The following LPP variants were observed in gnomAD, a reference collection of about 807,000 sequenced individuals.
LPP encodes the protein lipoma-preferred partner.
LPP carries 38 observed loss-of-function variants against 60.4 expected under a neutral mutation model. The ratio of observed to expected loss-of-function variants is 0.63; its 90% confidence interval spans 0.49 to 0.83. The LOEUF is 0.83. LPP is among the 40% of genes least tolerant of loss of function. LPP has a pLI of 0.00. For missense variants in LPP, 902 were observed against 783.6 expected (o/e 1.15, Z -1.80); for synonymous variants, 328 against 290.8 (o/e 1.13, Z -1.30).
At chr3:188,773,413 G>A (rs930891591) in intron 9 of LPP, among the ~76,000 whole-genome samples, 1 of 151,532 alleles carries the variant, frequency 6.6e-6, no homozygotes, top group Non-Finnish European at 1.5e-5. Flanking sequence ...TTATAGTATG[G>A]GGAAATAAGA....
At chr3:188,667,097 A>C (rs1243680826) in intron 7 of LPP, among the ~76,000 whole-genome samples, 1 of 152,178 alleles carries the variant, frequency 6.6e-6, no homozygotes, top group East Asian at 1.9e-4. Context: ...AATCCATGGA[A>C]TCTTTTGACA....
At chr3:188,831,229 G>C (rs1757057806) in intron 9 of LPP, among the ~76,000 whole-genome samples, 1 of 152,188 alleles carries the variant, frequency 6.6e-6, no homozygotes, top group South Asian at 2.1e-4. Context: ...CATCCCCAAA[G>C]ACATGATGAC....
chr3:188,480,923 C>A (rs1312256211), intron 4 of LPP, among the ~76,000 whole-genome samples: 1 of 152,168 alleles, frequency 6.6e-6, no homozygotes, highest in East Asian at 1.9e-4. Context: ...TCATTGTTTT[C>A]AGAAATCTAT....
At chr3:188,839,210 C>T (rs1759287761) in intron 9 of LPP, among the ~76,000 whole-genome samples, 1 of 152,090 alleles carries the variant, frequency 6.6e-6, no homozygotes, top group South Asian at 2.1e-4. Context: ...CGCAAAGCTG[C>T]TTTTAACTCT....
chr3:188,541,135 G>T (rs1029508031), intron 6 of LPP, among the ~76,000 whole-genome samples: 3 of 152,140 alleles, frequency 2.0e-5, no homozygotes, highest in African/African-American at 7.2e-5. Flanking sequence ...TTGGCCTATT[G>T]ATGTAAGTTA....
intron 6 of LPP, among the ~76,000 whole-genome samples, chr3:188,533,903 C>G (rs182214747): frequency 2.0e-5 from 3 of 152,246 alleles, no homozygotes; most frequent in Admixed American, 2.0e-4. Flanking sequence ...TATACCTCAT[C>G]ATTTTTTTAG....
chr3:188,339,644 T>A (rs560097597), intron 2 of LPP, among the ~76,000 whole-genome samples: 12 of 152,138 alleles, frequency 7.9e-5, no homozygotes, highest in Non-Finnish European at 1.8e-4. Flanking sequence ...TGAGACTCAC[T>A]CACTATCATG....
At position 188,880,524 on chromosome 3, in the gene LPP, A is replaced by G. The variant is rs1433473234; in HGVS notation, c.*6045A>G. 5.3e-6 allele frequency: 1 copy of G among 188,812 alleles called. No individual in the cohort carries two copies. Among genetic ancestry groups the G allele is most frequent in the Non-Finnish European group, 1.1e-5 (1 of 89,738 alleles). 11.7% of individuals were successfully genotyped at this position (188,812 alleles called of 1,614,324 possible). A position where few individuals can be genotyped will look rare whatever the true frequency, so the allele number is the denominator to read the frequency against. On this transcript the variant is annotated 3_prime_UTR_variant, in exon 12 of 12. Transcript: ENST00000617246. The stretch of plus-strand genomic sequence containing the variant: ...CACCTACATATACTAGAGAGGGGTG[A>G]AACACTGCAGCTAATTCCTTTATAA...
chr3:188,489,028 C>T (rs1807512313), intron 5 of LPP, among the ~76,000 whole-genome samples: 1 of 152,152 alleles, frequency 6.6e-6, no homozygotes, highest in African/African-American at 2.4e-5. Flanking sequence ...TATAACATTG[C>T]TTAAGGTAGT....
intron 4 of LPP, among the ~76,000 whole-genome samples, chr3:188,407,133 G>T (rs1021362662): frequency 1.3e-5 from 2 of 151,378 alleles, no homozygotes; most frequent in African/African-American, 4.9e-5. Context: ...GAGAGAAGAG[G>T]CAGTGAAAGG....
rs1040800112 is a variant in LPP, at chr3:188,330,425, T to G, written c.-66-11238T>G. ...CAAGGTCTTGTTTTTTTCCTAGTTC[T>G]CATTCACCGTTCAGTTGCCTTCCCC... On this transcript the variant is annotated intron_variant, in intron 2 of 11. Transcript: ENST00000617246. Among the ~76,000 whole-genome samples, 5 of 152,220 alleles carry G rather than the reference T, an allele frequency of 3.3e-5. No homozygotes were observed. In the East Asian group the frequency reaches 9.6e-4, roughly 29 times the overall value.
chr3:188,586,947 T>A (rs1002487858), intron 6 of LPP, among the ~76,000 whole-genome samples: 1 of 152,038 alleles, frequency 6.6e-6, no homozygotes, highest in Non-Finnish European at 1.5e-5. Context: ...GCCAGGCTGG[T>A]CTTGAACACC....
chr3:188,232,608 C>T (rs1402503653), intron 2 of LPP, among the ~76,000 whole-genome samples: 1 of 149,598 alleles, frequency 6.7e-6, no homozygotes, highest in Non-Finnish European at 1.5e-5. Context: ...CCCTCCTTGG[C>T]CTCCAAAAGT....
intron 4 of LPP, among the ~76,000 whole-genome samples, chr3:188,410,331 T>C (rs1279996766): frequency 6.6e-6 from 1 of 152,230 alleles, no homozygotes; most frequent in Non-Finnish European, 1.5e-5. Flanking sequence ...TTCTTTGAAC[T>C]TACATTTCTC....
At chr3:188,330,600 G>A (rs1759746639) in intron 2 of LPP, among the ~76,000 whole-genome samples, 1 of 152,062 alleles carries the variant, frequency 6.6e-6, no homozygotes, top group Non-Finnish European at 1.5e-5. Flanking sequence ...GCCTGGCCAG[G>A]CATGGTGCCT....
chr3:188,405,038 C>A (rs1317861851), intron 3 of LPP, among the ~76,000 whole-genome samples: 1 of 152,192 alleles, frequency 6.6e-6, no homozygotes, highest in Non-Finnish European at 1.5e-5. Flanking sequence ...TTGTTCCCCT[C>A]CTAGTTTAAG....
rs1769364198 is a variant in LPP, at chr3:188,877,297, G to A, written c.*2818G>A. The stretch of plus-strand genomic sequence containing the variant: ...CTGCTGATATAATATCATAATTGTT[G>A]TGGTTTAAATACATAAATAGTAGAA... On this transcript the variant is annotated 3_prime_UTR_variant, in exon 12 of 12. Transcript: ENST00000617246. 5.6e-6 allele frequency: 1 copy of A among 177,774 alleles called. No homozygotes were observed. The highest frequency in any genetic ancestry group is 1.2e-5 in the Non-Finnish European group (1 of 82,834). The allele number at this position is 177,774 out of a possible 1,614,324, so 11.0% of individuals were successfully genotyped here.
In LPP at chr3:188,189,446, G is replaced by T. The variant is rs1727523969; in HGVS notation, c.-190+35194G>T. On this transcript the variant is annotated intron_variant, in intron 1 of 11. Coordinates refer to ENST00000617246, the MANE Select transcript of LPP (RefSeq NM_001375462.1). ...ATAGGCAGGCCAGGGCCCTCTCTCAGGATATAATTGGGGCCACGCTGTGGT... is the reference window on the plus strand; with the variant it reads ...ATAGGCAGGCCAGGGCCCTCTCTCATGATATAATTGGGGCCACGCTGTGGT... 1.3e-5 allele frequency among the ~76,000 whole-genome samples: 2 copies of T among 152,144 alleles called. 1 individual carries two copies. Among genetic ancestry groups the T allele is most frequent in the South Asian group, 4.1e-4 (2 of 4,830 alleles).
At chr3:188,246,850 A>G (rs781436523) in intron 2 of LPP, among the ~76,000 whole-genome samples, 65 of 152,208 alleles carry the variant, frequency 4.3e-4, no homozygotes, top group South Asian at 8.3e-4. Context: ...CAATTAAGTA[A>G]CTTAATAATT....
Sources: gnomAD v4.1 joint callset for allele counts (sites outside exome capture counted in the v4.1 genomes callset) on GRCh38, gnomAD v4.1.1 for gene constraint, MANE v1.5 for transcripts, NCBI Gene and HGNC (gene_info 2026-07-23, HGNC 2026-07-21) for gene names.